CLASP1: variants seen among roughly 807,000 people sequenced by gnomAD.
CLASP1 encodes the protein CLIP-associating protein 1.
A neutral mutation model predicts 192.3 loss-of-function variants in CLASP1; 38 were observed. The observed-to-expected ratio is 0.20, with a 90% CI of 0.15 to 0.26. The LOEUF (loss-of-function observed/expected upper bound fraction) is 0.26, where lower values mean the gene tolerates loss of function less well. Ranked by LOEUF, CLASP1 falls within the 10% of genes least tolerant of loss-of-function variation. The pLI is 1.00. For synonymous variants in CLASP1, 691 were observed against 712.8 expected (o/e 0.97, Z 0.49); for missense variants, 1,433 against 1,932.5 (o/e 0.74, Z 4.85).
intron 8 of CLASP1, among the ~76,000 whole-genome samples, chr2:121,499,765 C>T (rs1188448977): frequency 1.3e-5 from 2 of 151,642 alleles, no homozygotes; most frequent in East Asian, 3.9e-4. Flanking sequence ...ACCTTCCTTT[C>T]TTTTCTATTC....
intron 1 of CLASP1, among the ~76,000 whole-genome samples, chr2:121,611,288 AGTT>A (rs2065424854): frequency 7.9e-6 from 1 of 126,176 alleles, no homozygotes; most frequent in Non-Finnish European, 1.7e-5. Flanking sequence ...GAGGAGGAGG[AGTT>A]GGAGGAGTTA....
intron 7 of CLASP1, among the ~76,000 whole-genome samples, chr2:121,505,951 G>A (rs1207092281): frequency 6.6e-6 from 1 of 152,044 alleles, no homozygotes; most frequent in African/African-American, 2.4e-5. Context: ...AGAGCTTCTA[G>A]CATGAAAAAG....
chr2:121,352,171 G>A (rs1052434346), intron 37 of CLASP1, among the ~76,000 whole-genome samples: 2 of 152,250 alleles, frequency 1.3e-5, no homozygotes, highest in African/African-American at 4.8e-5. Context: ...GAAGGAGCAT[G>A]GATATGTGCA....
intron 2 of CLASP1, among the ~76,000 whole-genome samples, chr2:121,601,848 A>G (rs1011970672): frequency 6.6e-6 from 1 of 152,014 alleles, no homozygotes; most frequent in African/African-American, 2.4e-5. Flanking sequence ...ATTTCTATAC[A>G]CCAACAACAA....
In CLASP1 at chr2:121,384,425, C is replaced by T. The variant is rs536032616; in HGVS notation, c.3375-2101G>A. 1.3e-4 allele frequency among the ~76,000 whole-genome samples: 20 copies of T among 152,086 alleles called. No individual in the cohort carries two copies. In the East Asian group the frequency reaches 3.9e-3, roughly 29 times the overall value. ...CTAGTTTCAAACTCCTGGGCTGAAGCAATCCTCCCACGTTGGCCTCCCAAA... is the reference window on the plus strand; with the variant it reads ...CTAGTTTCAAACTCCTGGGCTGAAGTAATCCTCCCACGTTGGCCTCCCAAA... On this transcript the variant is annotated intron_variant, in intron 32 of 39. Coordinates refer to ENST00000263710, the Ensembl canonical transcript of CLASP1.
intron 7 of CLASP1, among the ~76,000 whole-genome samples, chr2:121,507,903 A>G (rs1208968591): frequency 6.6e-6 from 1 of 152,214 alleles, no homozygotes; most frequent in African/African-American, 2.4e-5. Flanking sequence ...AAATTAAAAA[A>G]GACAATCAAC....
intron 2 of CLASP1, among the ~76,000 whole-genome samples, chr2:121,603,514 T>C (rs555377312): frequency 1.3e-5 from 2 of 152,300 alleles, no homozygotes; most frequent in Non-Finnish European, 2.9e-5. Context: ...TGGAAAACAG[T>C]ATGGAAGTTC....
intron 16 of CLASP1, among the ~76,000 whole-genome samples, chr2:121,450,057 C>T (rs1278245965): frequency 6.6e-6 from 1 of 152,156 alleles, no homozygotes; most frequent in East Asian, 1.9e-4. Context: ...CAAGGCTGGA[C>T]ACAGTGGCTC....
intron 6 of CLASP1, among the ~76,000 whole-genome samples, chr2:121,524,099 C>A (rs2094518638): frequency 6.6e-6 from 1 of 152,020 alleles, no homozygotes; most frequent in Non-Finnish European, 1.5e-5. Context: ...CCTCCACCGC[C>A]CACCCCAGGT....
At chr2:121,561,627 T>C (rs2059095926) in intron 2 of CLASP1, among the ~76,000 whole-genome samples, 2 of 152,194 alleles carry the variant, frequency 1.3e-5, no homozygotes, top group South Asian at 4.1e-4. Context: ...AATTTCATAA[T>C]GTTTTAACAA....
At chr2:121,345,529 C>T (rs886745320) in intron 39 of CLASP1, among the ~76,000 whole-genome samples, 3 of 152,148 alleles carry the variant, frequency 2.0e-5, no homozygotes, top group Admixed American at 2.0e-4. Context: ...CATTGAAGGT[C>T]CTCCTGGTCA....
At chr2:121,613,414 G>A (rs745373359) in intron 1 of CLASP1, among the ~76,000 whole-genome samples, 10 of 152,174 alleles carry the variant, frequency 6.6e-5, no homozygotes, top group African/African-American at 9.7e-5. Flanking sequence ...CAACTCTGCT[G>A]CAGGTCAACA....
chr2:121,432,639 A>G (rs1024112802), intron 19 of CLASP1, among the ~76,000 whole-genome samples: 21 of 152,294 alleles, frequency 1.4e-4, no homozygotes, highest in African/African-American at 4.6e-4. Context: ...AACTTTGTCA[A>G]TATCTTTTGA....
intron 1 of CLASP1, among the ~76,000 whole-genome samples, chr2:121,643,791 A>T (rs1306128874): frequency 6.6e-6 from 1 of 152,176 alleles, no homozygotes; most frequent in East Asian, 1.9e-4. Context: ...GGGGAATTTT[A>T]AAATTTTAAT....
At chr2:121,535,956 C>A (rs578100461) in intron 2 of CLASP1, among the ~76,000 whole-genome samples, 84 of 151,740 alleles carry the variant, frequency 5.5e-4, no homozygotes, top group Non-Finnish European at 6.6e-4. Flanking sequence ...GCCACTGCAC[C>A]CAGCCCTATT....
intron 1 of CLASP1, among the ~76,000 whole-genome samples, chr2:121,635,523 A>C (rs950273016): frequency 6.6e-6 from 1 of 152,174 alleles, no homozygotes; most frequent in Non-Finnish European, 1.5e-5. Context: ...TTCAAGCTGA[A>C]TCTTTCCCTT....
chr2:121,351,005 G>A (rs2064267854), intron 37 of CLASP1, among the ~76,000 whole-genome samples: 1 of 152,152 alleles, frequency 6.6e-6, no homozygotes, highest in Non-Finnish European at 1.5e-5. Context: ...AACTGTCTGA[G>A]GCCAGGGAAA....
chr2:121,348,572 C>G, exon 38 of CLASP1: 1 of 1,613,716 alleles, frequency 6.2e-7, no homozygotes, highest in Non-Finnish European at 8.5e-7. Context: ...TTGCGATCCT[C>G]TCGACGACTT....
chr2:121,511,599 AAAAG>A (rs1412268013), intron 7 of CLASP1, among the ~76,000 whole-genome samples: 1 of 152,060 alleles, frequency 6.6e-6, no homozygotes, highest in Admixed American at 6.5e-5. Context: ...AAAAAAAAAA[AAAAG>A]AGAGAGAGAG....
Sources: gnomAD v4.1 joint callset for allele counts (sites outside exome capture counted in the v4.1 genomes callset) on GRCh38, gnomAD v4.1.1 for gene constraint, MANE v1.5 for transcripts, NCBI Gene and HGNC (gene_info 2026-07-23, HGNC 2026-07-21) for gene names.